The following PALLD variants were observed in gnomAD, a reference collection of about 807,000 sequenced individuals.
The protein encoded by PALLD is palladin.
Under a neutral mutation model 123.5 loss-of-function variants are expected in PALLD, and 61 were observed. That is an observed-to-expected ratio of 0.49 (90% CI 0.40 to 0.61). The LOEUF (loss-of-function observed/expected upper bound fraction) is 0.61. Among genes scored for constraint, PALLD ranks in the 20% least tolerant of loss-of-function variants. PALLD has a pLI of 0.00. For missense variants in PALLD, 1,273 were observed against 1,377.0 expected, an observed-to-expected ratio of 0.92 and a Z score of 1.20; for synonymous variants, 465 against 496.4, an observed-to-expected ratio of 0.94 and a Z score of 0.84.
At chr4:168,550,771 T>C (rs1766652644) in intron 2 of PALLD, among the ~76,000 whole-genome samples, 1 of 152,236 alleles carries the variant, frequency 6.6e-6, no homozygotes, top group East Asian at 1.9e-4. Context: ...TAGAGACATA[T>C]GTTATGAATC....
rs1298446526 is a variant in PALLD, at chr4:168,537,631, T to G, written c.908+25219T>G. 2.6e-5 allele frequency: 4 copies of G among 152,184 alleles called. No homozygotes were observed. The East Asian group carries it at 7.7e-4, about 29-fold the overall frequency. The allele number at this position is 152,184 out of a possible 1,614,324, so 9.4% of individuals were successfully genotyped here. A position where few individuals can be genotyped will look rare whatever the true frequency, so the allele number is the denominator to read the frequency against. On this transcript the variant is annotated intron_variant, in intron 2 of 21. Transcript: ENST00000505667. ...CTAATGAGACTGTCAAGGTTTGGCT[T>G]TATGTTTACCTCAGATAGGCGTCCA... is the stretch of plus-strand genomic sequence containing the variant.
intron 10 of PALLD, among the ~76,000 whole-genome samples, chr4:168,876,561 T>C (rs886187612): frequency 1.3e-5 from 2 of 152,208 alleles, no homozygotes; most frequent in East Asian, 1.9e-4. Context: ...TGGATAATTA[T>C]AGAAGGGAAC....
chr4:168,552,504 A>G (rs1383061299), intron 2 of PALLD, among the ~76,000 whole-genome samples: 2 of 152,164 alleles, frequency 1.3e-5, no homozygotes, highest in Admixed American at 1.3e-4. Context: ...TCATTAGCTA[A>G]CTTTTCCTGT....
intron 10 of PALLD, among the ~76,000 whole-genome samples, chr4:168,749,110 G>A (rs1028104659): frequency 2.6e-5 from 4 of 152,098 alleles, no homozygotes; most frequent in African/African-American, 9.7e-5. Context: ...TAGTCAGTGA[G>A]TTCTCGTTAA....
chr4:168,520,026 A>G (rs6824874), intron 2 of PALLD, among the ~76,000 whole-genome samples: 30,981 of 152,054 alleles, frequency 0.2, 3,084 homozygotes, highest in Middle Eastern at 0.23. Context: ...AAAGAAATTC[A>G]TAAGAGAATG....
rs755990688 is a variant in PALLD, at chr4:168,924,323, C to T, written c.3127C>T (p.Pro1043Ser). 1.9e-6 allele frequency: 3 copies of T among 1,613,862 alleles called. No homozygotes were observed. Among genetic ancestry groups the T allele is most frequent in the Non-Finnish European group, 2.5e-6 (3 of 1,179,830 alleles). Residue 1043 changes from proline (P) to serine (S), a missense_variant, in exon 19 of 22, where the codon CCA (proline) becomes TCA (serine). Coordinates refer to ENST00000505667, the MANE Select transcript of PALLD (RefSeq NM_001166108.2). ...LQNTGVADGY[P>S]VRLECRVLGV... ...AAACACAGGAGTTGCTGATGGGTACCCAGTGCGGCTGGAATGTCGTGTATT... is the reference window on the plus strand; with the variant it reads ...AAACACAGGAGTTGCTGATGGGTACTCAGTGCGGCTGGAATGTCGTGTATT...
At chr4:168,670,496 G>A (rs1164698442) in intron 3 of PALLD, among the ~76,000 whole-genome samples, 1 of 152,084 alleles carries the variant, frequency 6.6e-6, no homozygotes, top group East Asian at 1.9e-4. Flanking sequence ...CACTTTGGGA[G>A]GCCGAGGCGG....
At chr4:168,847,885 AAAGG>A (rs1454763106) in intron 10 of PALLD, among the ~76,000 whole-genome samples, 8 of 152,212 alleles carry the variant, frequency 5.3e-5, no homozygotes, top group Non-Finnish European at 8.8e-5. Flanking sequence ...AAAGAAAAAA[AAAGG>A]AAGAAACTAA....
intron 10 of PALLD, among the ~76,000 whole-genome samples, chr4:168,823,672 C>T (rs1743035257): frequency 6.6e-6 from 1 of 151,832 alleles, no homozygotes; most frequent in Non-Finnish European, 1.5e-5. Flanking sequence ...AGAGCAGGAC[C>T]CATTTCAAAA....
intron 10 of PALLD, among the ~76,000 whole-genome samples, chr4:168,886,988 A>C (rs1424695198): frequency 6.6e-6 from 1 of 151,928 alleles, no homozygotes; most frequent in Non-Finnish European, 1.5e-5. Flanking sequence ...GTGGTGGCTC[A>C]TGCCTGTAAT....
chr4:168,610,774 C>T (rs1257447943), intron 2 of PALLD, among the ~76,000 whole-genome samples: 4 of 152,212 alleles, frequency 2.6e-5, no homozygotes, highest in African/African-American at 4.8e-5. Context: ...AACATCCTCC[C>T]TCTCACCTCC....
intron 2 of PALLD, among the ~76,000 whole-genome samples, chr4:168,651,098 C>T (rs1175163345): frequency 6.6e-6 from 1 of 152,118 alleles, no homozygotes; most frequent in Non-Finnish European, 1.5e-5. Flanking sequence ...GCAAAAGGTT[C>T]AAGAATGAAG....
intron 10 of PALLD, among the ~76,000 whole-genome samples, chr4:168,885,065 C>A (rs550323498): frequency 6.6e-6 from 1 of 152,176 alleles, no homozygotes; most frequent in Non-Finnish European, 1.5e-5. Flanking sequence ...CAGGTTATCA[C>A]GTCTGTTTCT....
intron 2 of PALLD, among the ~76,000 whole-genome samples, chr4:168,559,928 G>GAGAA (rs1767699313): frequency 6.6e-6 from 1 of 152,064 alleles, no homozygotes. Flanking sequence ...GAAAGAGAGA[G>GAGAA]AGAGAGAGCA....
At chr4:168,524,877 G>A (rs10013385) in intron 2 of PALLD, among the ~76,000 whole-genome samples, 30,634 of 152,028 alleles carry the variant, frequency 0.2, 3,012 homozygotes, top group Middle Eastern at 0.23. Flanking sequence ...AAGAGCCAGC[G>A]TCTTTACTCT....
intron 5 of PALLD, among the ~76,000 whole-genome samples, chr4:168,684,222 TAG>T (rs1421211929): frequency 2.0e-5 from 3 of 152,064 alleles, no homozygotes; most frequent in Non-Finnish European, 2.9e-5. Context: ...GCCTAGGAAA[TAG>T]AGAGATACAC....
At chr4:168,895,689 C>T (rs185891775) in intron 12 of PALLD, among the ~76,000 whole-genome samples, 67 of 152,248 alleles carry the variant, frequency 4.4e-4, no homozygotes, top group Middle Eastern at 6.8e-3. Flanking sequence ...GTTGGTCTTG[C>T]TTATCTCAGG....
At chr4:168,676,558 T>A (rs375652104) in intron 3 of PALLD, among the ~76,000 whole-genome samples, 7 of 148,952 alleles carry the variant, frequency 4.7e-5, no homozygotes, top group African/African-American at 1.7e-4. Context: ...ATTTTACTTA[T>A]ATGTATTAAT....
chr4:168,532,343 T>C (rs1764678555), intron 2 of PALLD, among the ~76,000 whole-genome samples: 2 of 152,192 alleles, frequency 1.3e-5, no homozygotes, highest in South Asian at 2.1e-4. Flanking sequence ...ACATTACTTA[T>C]ACCAGTCATC....
Sources: gnomAD v4.1 joint callset for allele counts (sites outside exome capture counted in the v4.1 genomes callset) on GRCh38, gnomAD v4.1.1 for gene constraint, MANE v1.5 for transcripts, NCBI Gene and HGNC (gene_info 2026-07-23, HGNC 2026-07-21) for gene names.